Variants in EEF1G observed in about 807,000 individuals in gnomAD.
EEF1G encodes elongation factor 1-gamma.
Under a neutral mutation model 58.3 loss-of-function variants are expected in EEF1G, and 14 were observed. The observed-to-expected ratio is 0.24, with a 90% CI of 0.16 to 0.38. The LOEUF is 0.38. Among genes scored for constraint, EEF1G ranks in the 10% least tolerant of loss-of-function variants. EEF1G has a pLI of 1.00. For missense variants in EEF1G, 322 were observed against 550.1 expected (o/e 0.59, Z 4.15); for synonymous variants, 180 against 206.8 (o/e 0.87, Z 1.11).
chr11:62,568,232 A>G (rs1419686076), intron 5 of EEF1G, among the ~76,000 whole-genome samples: 1 of 151,176 alleles, frequency 6.6e-6, no homozygotes, highest in Non-Finnish European at 1.5e-5. Context: ...TCTCAAAAAA[A>G]AAAAAATTAG....
intron 7 of EEF1G, among the ~76,000 whole-genome samples, chr11:62,564,604 T>C (rs1941534012): frequency 6.7e-6 from 1 of 148,768 alleles, no homozygotes; most frequent in Non-Finnish European, 1.5e-5. Flanking sequence ...CTGCTAAAAA[T>C]ACAAAAAATT....
chr11:62,562,512 C>T (rs1472381822), intron 7 of EEF1G, among the ~76,000 whole-genome samples: 2 of 151,998 alleles, frequency 1.3e-5, no homozygotes, highest in Non-Finnish European at 1.5e-5. Context: ...GATGGAGTCT[C>T]GCCCTGTCAC....
intron 5 of EEF1G, among the ~76,000 whole-genome samples, chr11:62,569,382 G>A (rs570769420): frequency 1.8e-4 from 28 of 152,194 alleles, no homozygotes; most frequent in Non-Finnish European, 3.7e-4. Context: ...GCTGAGGCAG[G>A]AGAATCGCTT....
chr11:62,566,425 G>A (rs772791343), intron 7 of EEF1G, among the ~76,000 whole-genome samples: 39 of 152,188 alleles, frequency 2.6e-4, no homozygotes, highest in Non-Finnish European at 3.7e-4. Context: ...CCGCACAGCC[G>A]GGCGCGTGGC....
At chr11:62,571,345 C>T (rs952771040) in intron 4 of EEF1G, among the ~76,000 whole-genome samples, 195 bp downstream of exon 4, 7 of 152,216 alleles carry the variant, frequency 4.6e-5, no homozygotes, top group Non-Finnish European at 7.3e-5. Context: ...GCAGCAATCC[C>T]TCTTCTGATC....
Position 62,572,632 on chromosome 11 carries a change from G to A in EEF1G, c.123C>T (p.Gly41=). Residue 41 remains glycine (G), a synonymous_variant, in exon 2 of 10, where the codon GGC becomes GGT. Coordinates refer to ENST00000329251, the MANE Select transcript of EEF1G (RefSeq NM_001404.5). ...VLSAPPHFHF[G]QTNRTPEFLR... ...GAAATTCAGGGGTGCGGTTGGTTTG[G>A]CCAAAATGGAAGTGGGGTGGTGCGG... 1 of 1,612,364 alleles carries A rather than the reference G, an allele frequency of 6.2e-7. No homozygotes were observed. Among genetic ancestry groups the A allele is most frequent in the Non-Finnish European group, 8.5e-7 (1 of 1,179,868 alleles).
At chr11:62,567,301 C>A in intron 6 of EEF1G, 98 bp downstream of exon 6, 2 of 1,459,668 alleles carry the variant, frequency 1.4e-6, no homozygotes, top group East Asian at 4.8e-5. Flanking sequence ...TTCTGCAGGT[C>A]CCCATAACCC....
chr11:62,571,979 T>C (rs1941639132), intron 2 of EEF1G, 78 bp from the exon 3 acceptor site: 1 of 1,200,568 alleles, frequency 8.3e-7, no homozygotes, highest in Non-Finnish European at 1.2e-6. Context: ...CAAACTGCTT[T>C]GAAAATACTT....
rs1941639266 is a variant in EEF1G, at chr11:62,571,984, ATACT to A, written c.172-87_172-84del. 14 of 1,145,828 alleles carry A rather than the reference ATACT, an allele frequency of 1.2e-5. No homozygotes were observed. The South Asian group carries it at 1.7e-4, about 14-fold the overall frequency. The allele number at this position is 1,145,828 out of a possible 1,614,324, so 71.0% of individuals were successfully genotyped here. On this transcript the variant is annotated intron_variant, in intron 2 of 9. Coordinates refer to ENST00000329251, the MANE Select transcript of EEF1G (RefSeq NM_001404.5). ...TACCAGGAGCCAAACTGCTTTGAAA[ATACT>A]TATATAAGGCTGATGATTCTCACTA...
intron 9 of EEF1G, 94 bp from the exon 10 acceptor site, chr11:62,559,931 T>C: frequency 6.2e-7 from 1 of 1,607,882 alleles, no homozygotes; most frequent in South Asian, 1.1e-5. Context: ...AGACCCCAGG[T>C]CTCCTGTGAA....
intron 7 of EEF1G, among the ~76,000 whole-genome samples, chr11:62,561,688 A>AAAAAAAAAAAC (rs1941498250): frequency 9.3e-5 from 13 of 140,508 alleles, no homozygotes; most frequent in South Asian, 2.3e-4. Context: ...AAAACAAAAA[A>AAAAAAAAAAAC]AAAAAAAACA....
At chr11:62,567,108 C>A in intron 6 of EEF1G, 98 bp from the exon 7 acceptor site, 1 of 1,331,860 alleles carries the variant, frequency 7.5e-7, no homozygotes, top group Non-Finnish European at 1.1e-6. Context: ...AGGAAACTGA[C>A]GAATGGGACA....
chr11:62,572,434 A>G (rs913583178), intron 2 of EEF1G, 150 bp downstream of exon 2: 59 of 1,082,180 alleles, frequency 5.5e-5, no homozygotes, highest in Non-Finnish European at 6.2e-5. Context: ...ACTACATGTA[A>G]ATCTGTATTT....
At chr11:62,562,830 AG>A (rs1941513711) in intron 7 of EEF1G, among the ~76,000 whole-genome samples, 1 of 152,176 alleles carries the variant, frequency 6.6e-6, no homozygotes, top group African/African-American at 2.4e-5. Context: ...TCAAAGATGT[AG>A]CCATGACATA....
At chr11:62,569,959 A>C (rs1045420198) in intron 5 of EEF1G, among the ~76,000 whole-genome samples, 1 of 152,220 alleles carries the variant, frequency 6.6e-6, no homozygotes, top group Non-Finnish European at 1.5e-5. Context: ...AAAGAGTAAA[A>C]AACAGGACTA....
intron 5 of EEF1G, among the ~76,000 whole-genome samples, chr11:62,569,084 C>T (rs1310476596): frequency 6.9e-6 from 1 of 143,912 alleles, no homozygotes; most frequent in East Asian, 1.9e-4. Context: ...TATACACACA[C>T]GCACACACAC....
intron 7 of EEF1G, among the ~76,000 whole-genome samples, chr11:62,561,689 A>ACG (rs1941498436): frequency 6.7e-6 from 1 of 150,246 alleles, no homozygotes; most frequent in Non-Finnish European, 1.5e-5. Flanking sequence ...AAACAAAAAA[A>ACG]AAAAAAACAA....
chr11:62,567,877 A>C (rs1325359676), intron 5 of EEF1G, among the ~76,000 whole-genome samples: 1 of 151,322 alleles, frequency 6.6e-6, no homozygotes, highest in Non-Finnish European at 1.5e-5. Context: ...CTGCCACCAC[A>C]CCCAGCTAAT....
chr11:62,573,567 G>A lies in EEF1G; in HGVS notation c.12+264C>T, dbSNP rs140735819. 4.7e-5 allele frequency: 27 copies of A among 580,578 alleles called. No homozygotes were observed. In the South Asian group the frequency reaches 5.5e-4, roughly 12 times the overall value. The allele number at this position is 580,578 out of a possible 1,614,324, so 36.0% of individuals were successfully genotyped here. A position where few individuals can be genotyped will look rare whatever the true frequency, so the allele number is the denominator to read the frequency against. Reference sequence around the variant, plus strand: ...CACGCCTCAAAGCGGCAACAGAGCCGAACCCCTTTCTCAGGCTTCGGACGG... The same window carrying A: ...CACGCCTCAAAGCGGCAACAGAGCCAAACCCCTTTCTCAGGCTTCGGACGG... On this transcript the variant is annotated intron_variant, in intron 1 of 9. Coordinates refer to ENST00000329251, the MANE Select transcript of EEF1G (RefSeq NM_001404.5).
Sources: allele counts gnomAD v4.1 joint callset (sites outside exome capture counted in the v4.1 genomes callset), GRCh38; gene constraint gnomAD v4.1.1; transcripts MANE v1.5; gene names NCBI Gene and HGNC (gene_info 2026-07-23, HGNC 2026-07-21).